The following STYXL1 variants were observed in gnomAD, a reference collection of about 807,000 sequenced individuals.
The protein encoded by STYXL1 is serine/threonine/tyrosine interacting like 1, also known as serine/threonine/tyrosine-interacting-like protein 1.
Under a neutral mutation model 36.4 loss-of-function variants are expected in STYXL1, and 32 were observed. The ratio of observed to expected loss-of-function variants is 0.88; its 90% CI spans 0.66 to 1.18. STYXL1 has a LOEUF of 1.18. STYXL1 is among the 50% of genes most tolerant of loss of function. STYXL1 has a pLI of 0.00. For synonymous variants in STYXL1, 133 were observed against 144.1 expected (o/e 0.92, Z 0.55); for missense variants, 354 against 394.1 (o/e 0.90, Z 0.86).
chr7:76,032,082 C>T (rs1795401426), intron 1 of STYXL1, among the ~76,000 whole-genome samples: 1 of 151,894 alleles, frequency 6.6e-6, no homozygotes. Context: ...CAGCCTGGAC[C>T]ACATAGCAAG....
chr7:76,021,472 G>A (rs916150084), intron 4 of STYXL1, among the ~76,000 whole-genome samples: 3 of 152,078 alleles, frequency 2.0e-5, no homozygotes, highest in Non-Finnish European at 2.9e-5. Context: ...CAGGTCCCGC[G>A]TACTGATGAA....
chr7:76,008,874 C>T lies in STYXL1; in HGVS notation c.454-3470G>A, dbSNP rs570084985. On this transcript the variant is annotated intron_variant, in intron 5 of 8. Coordinates refer to ENST00000359697, the MANE Select transcript of STYXL1 (RefSeq NM_001317785.2). ...TATAAAAATTAGGCGTGGTGGCACA[C>T]GCCTGTAATCTCAGCTACTCTGGAG... Among the ~76,000 whole-genome samples the T allele has an allele frequency of 4.4e-4, 67 of 152,142 alleles. 1 individual carries two copies. In the South Asian group the frequency reaches 6.5e-3, roughly 15 times the overall value.
chr7:75,999,557 T>TATA (rs56057187), intron 8 of STYXL1, among the ~76,000 whole-genome samples: 59,767 of 142,490 alleles, frequency 0.42, 13,098 homozygotes, highest in Non-Finnish European at 0.48. Context: ...GTGTGTATAT[T>TATA]TTTTTTTGAG....
intron 3 of STYXL1, among the ~76,000 whole-genome samples, chr7:76,024,191 A>C (rs938098451): frequency 6.6e-6 from 1 of 152,144 alleles, no homozygotes; most frequent in Non-Finnish European, 1.5e-5. Context: ...ATATTACTTT[A>C]GAGAGCACCA....
chr7:76,025,461 T>G (rs1206033774), intron 3 of STYXL1, among the ~76,000 whole-genome samples: 2 of 152,008 alleles, frequency 1.3e-5, no homozygotes, highest in Non-Finnish European at 2.9e-5. Context: ...GGGCTCTGAA[T>G]CGGTTGCAGC....
chr7:76,046,358 G>GCA, intron 1 of STYXL1, among the ~76,000 whole-genome samples: 2 of 133,836 alleles, frequency 1.5e-5, no homozygotes, highest in Admixed American at 7.8e-5. Context: ...GCGCGCGCGC[G>GCA]CTTTTGAGCC....
Position 76,030,453 on chromosome 7 carries a change from C to A in STYXL1, c.71G>T (p.Arg24Ile). 6.2e-7 allele frequency: 1 copy of A among 1,613,828 alleles called. No homozygotes were observed. The highest frequency in any genetic ancestry group is 8.5e-7 in the Non-Finnish European group (1 of 1,179,786). Residue 24 changes from arginine (R) to isoleucine (I), a missense_variant, in exon 2 of 9, where the codon AGA (arginine) becomes ATA (isoleucine). Physicochemically the swap from Arg to Ile is moderately conservative, Grantham distance 97. Transcript: ENST00000359697. ...NILNQATKLSRLTDPNYLCLL... is the reference protein window; with the variant it reads ...NILNQATKLSILTDPNYLCLL... ...ACAGAGATAGTTGGGGTCTGTTAATCTGGAGAGTTTTGTGGCCTGATTCAG... is the reference window on the plus strand; with the variant it reads ...ACAGAGATAGTTGGGGTCTGTTAATATGGAGAGTTTTGTGGCCTGATTCAG...
chr7:76,005,896 A>G (rs1585195583), intron 5 of STYXL1, among the ~76,000 whole-genome samples: 1 of 109,602 alleles, frequency 9.1e-6, no homozygotes, highest in Non-Finnish European at 1.9e-5. Flanking sequence ...GAGGAGGAGG[A>G]GGAGAGAGGA....
intron 7 of STYXL1, among the ~76,000 whole-genome samples, chr7:76,002,074 C>T (rs1320474438): frequency 6.6e-6 from 1 of 152,160 alleles, no homozygotes; most frequent in Non-Finnish European, 1.5e-5. Context: ...TTCTGAGTAG[C>T]TGGGACCACA....
At chr7:76,047,475 T>C (rs1554584090) in intron 1 of STYXL1, among the ~76,000 whole-genome samples, 187 bp downstream of exon 1, 2 of 152,164 alleles carry the variant, frequency 1.3e-5, no homozygotes, top group Admixed American at 6.5e-5. Flanking sequence ...TACAACCTAT[T>C]TGCTCATCTG....
chr7:76,040,704 C>T (rs989739509), intron 1 of STYXL1, among the ~76,000 whole-genome samples: 4 of 151,936 alleles, frequency 2.6e-5, no homozygotes, highest in South Asian at 2.1e-4. Flanking sequence ...GGCGTGGTGG[C>T]GCATACCTGT....
intron 1 of STYXL1, among the ~76,000 whole-genome samples, chr7:76,040,166 GA>G (rs1245661838): frequency 6.6e-6 from 1 of 152,160 alleles, no homozygotes; most frequent in Non-Finnish European, 1.5e-5. Context: ...GTGGGGTCTG[GA>G]AACTACAGCA....
chr7:76,006,815 G>A (rs980995609), intron 5 of STYXL1, among the ~76,000 whole-genome samples: 8 of 151,188 alleles, frequency 5.3e-5, no homozygotes, highest in Admixed American at 1.3e-4. Context: ...AAAAACTTTC[G>A]TTTATTTGAA....
intron 4 of STYXL1, among the ~76,000 whole-genome samples, chr7:76,019,192 T>C (rs1793745255): frequency 6.6e-6 from 1 of 152,152 alleles, no homozygotes; most frequent in South Asian, 2.1e-4. Context: ...GAGGCCAGGT[T>C]CTGGCCCAGA....
In STYXL1 at chr7:76,003,786, G is replaced by A. The variant is rs375367776; in HGVS notation, c.669C>T (p.Pro223=). 5.0e-6 allele frequency: 8 copies of A among 1,614,226 alleles called. No homozygotes were observed. The highest frequency in any genetic ancestry group is 2.2e-5 in the East Asian group (1 of 44,888). The stretch of plus-strand genomic sequence containing the variant: ...TGAAGTGACACATGTGGCGTAAGAA[G>A]GGAAGAATCTGGGCTTCCGGGGAAT... ...IEDSPEAQIL[P]FLRHMCHFIE... The change falls in exon 7 of 9, where the codon CCC becomes CCT. Residue 223 remains proline, a synonymous_variant. Coordinates refer to ENST00000359697, the MANE Select transcript of STYXL1 (RefSeq NM_001317785.2).
intron 7 of STYXL1, among the ~76,000 whole-genome samples, chr7:76,002,036 T>C (rs1008678852): frequency 3.9e-5 from 6 of 152,160 alleles, no homozygotes; most frequent in African/African-American, 1.2e-4. Flanking sequence ...CTTGAACTCC[T>C]GGGCTCAAGT....
At chr7:76,044,872 T>C (rs1358144693) in intron 1 of STYXL1, 3 of 152,124 alleles carry the variant, frequency 2.0e-5, no homozygotes, top group African/African-American at 7.2e-5. Flanking sequence ...ATTTTCGTAC[T>C]TTTTGTAGAG....
intron 1 of STYXL1, among the ~76,000 whole-genome samples, chr7:76,033,869 T>C (rs957924413): frequency 1.3e-5 from 2 of 152,212 alleles, no homozygotes; most frequent in Admixed American, 1.3e-4. Context: ...TAGGTCTGAA[T>C]CCTGGCTCTG....
intron 1 of STYXL1, among the ~76,000 whole-genome samples, chr7:76,031,331 CAAAAAAAAAAAAAAA>C (rs60550486): frequency 2.4e-5 from 1 of 42,296 alleles, no homozygotes; most frequent in Non-Finnish European, 3.6e-5. Context: ...ACTCTGTCTC[CAAAAAAAAAAAAAAA>C]AAAAAAAAAA....
Sources: gnomAD v4.1 joint callset for allele counts (sites outside exome capture counted in the v4.1 genomes callset) on GRCh38, gnomAD v4.1.1 for gene constraint, MANE v1.5 for transcripts, NCBI Gene and HGNC (gene_info 2026-07-23, HGNC 2026-07-21) for gene names.